The following TOP6BL variants were observed in gnomAD, a reference collection of about 807,000 sequenced individuals.
The protein encoded by TOP6BL is type 2 DNA topoisomerase 6 subunit B-like.
At chr11:66,771,699 CA>C in the TOP6BL span, 1 of 160,868 alleles carries the variant, frequency 6.2e-6, no homozygotes, top group Non-Finnish European at 1.4e-5. Context: ...GAGCTAACCA[CA>C]AAAACAGTGT....
chr11:66,769,025 C>G, the TOP6BL span, among the ~76,000 whole-genome samples: 1 of 152,266 alleles, frequency 6.6e-6, no homozygotes, highest in African/African-American at 2.4e-5. Context: ...CAGCTGGGCA[C>G]TTACTGTTCC....
the TOP6BL span, chr11:66,838,501 G>C: frequency 2.6e-6 from 4 of 1,514,996 alleles, no homozygotes; most frequent in East Asian, 2.3e-5. Flanking sequence ...AGTAAAAAAC[G>C]TGAGTTCAAA....
At chr11:66,751,428 C>T in the TOP6BL span, among the ~76,000 whole-genome samples, 2 of 151,032 alleles carry the variant, frequency 1.3e-5, no homozygotes, top group East Asian at 3.9e-4. Flanking sequence ...CTCTTGACCT[C>T]GTGATCCACC....
chr11:66,843,183 G>A, the TOP6BL span: 1 of 1,611,218 alleles, frequency 6.2e-7, no homozygotes, highest in African/African-American at 1.3e-5. Context: ...TGCTGTGGCT[G>A]CAGGAGGTCT....
At chr11:66,769,563 TACA>T in the TOP6BL span, among the ~76,000 whole-genome samples, 1 of 151,710 alleles carries the variant, frequency 6.6e-6, no homozygotes, top group Non-Finnish European at 1.5e-5. Flanking sequence ...ATAGAACTTA[TACA>T]ACAACAATTA....
the TOP6BL span, chr11:66,804,116 C>T: frequency 1.2e-6 from 2 of 1,613,990 alleles, no homozygotes; most frequent in Non-Finnish European, 8.5e-7. Context: ...AGAACTGATA[C>T]TGACTCCAGC....
At chr11:66,775,395 A>G in the TOP6BL span, among the ~76,000 whole-genome samples, 1 of 152,186 alleles carries the variant, frequency 6.6e-6, no homozygotes, top group African/African-American at 2.4e-5. Context: ...CCATTTTGCC[A>G]GGTGTTATTA....
the TOP6BL span, chr11:66,828,413 A>G: frequency 4.7e-5 from 67 of 1,422,628 alleles, no homozygotes; most frequent in Admixed American, 1.3e-4. Flanking sequence ...ATTTTGATAT[A>G]TGGGAATCCT....
At chr11:66,775,825 T>G in the TOP6BL span, among the ~76,000 whole-genome samples, 1 of 152,224 alleles carries the variant, frequency 6.6e-6, no homozygotes, top group Non-Finnish European at 1.5e-5. Context: ...ATCTTTTATG[T>G]TAACACTTTA....
the TOP6BL span, among the ~76,000 whole-genome samples, chr11:66,830,536 G>C: frequency 6.6e-6 from 1 of 152,006 alleles, no homozygotes; most frequent in Non-Finnish European, 1.5e-5. Flanking sequence ...AAATAATAAA[G>C]ATCAGAATGG....
At chr11:66,821,566 A>G in the TOP6BL span, 2 of 1,490,770 alleles carry the variant, frequency 1.3e-6, no homozygotes, top group South Asian at 2.4e-5. Flanking sequence ...ACATCTGGTA[A>G]TTTAAGACTA....
At chr11:66,767,948 T>C in the TOP6BL span, among the ~76,000 whole-genome samples, 1 of 152,120 alleles carries the variant, frequency 6.6e-6, no homozygotes, top group Non-Finnish European at 1.5e-5. Context: ...TGTACCACCA[T>C]GCCCAGCTAG....
At chr11:66,821,219 T>G in the TOP6BL span, among the ~76,000 whole-genome samples, 1 of 152,160 alleles carries the variant, frequency 6.6e-6, no homozygotes, top group African/African-American at 2.4e-5. Flanking sequence ...TTGTACTCAG[T>G]ATTGGATTTA....
chr11:66,825,221 GTA>G, the TOP6BL span, among the ~76,000 whole-genome samples: 1 of 148,700 alleles, frequency 6.7e-6, no homozygotes, highest in East Asian at 2.1e-4. Flanking sequence ...ATGCCTGTAA[GTA>G]ATGTCAACAC....
chr11:66,798,623 T>C, the TOP6BL span, among the ~76,000 whole-genome samples: 1 of 130,666 alleles, frequency 7.7e-6, no homozygotes, highest in African/African-American at 2.9e-5. Flanking sequence ...AAAAAAAAAG[T>C]TAAGGGATAG....
chr11:66,814,724 T>C, the TOP6BL span, among the ~76,000 whole-genome samples: 3 of 152,176 alleles, frequency 2.0e-5, no homozygotes, highest in African/African-American at 4.8e-5. Context: ...ACCTCTGAAC[T>C]ACTGTGGAAG....
the TOP6BL span, among the ~76,000 whole-genome samples, chr11:66,765,395 A>G: frequency 6.6e-6 from 1 of 152,248 alleles, no homozygotes; most frequent in East Asian, 1.9e-4. Flanking sequence ...TACATAATTA[A>G]AATTGAATCA....
the TOP6BL span, chr11:66,788,078 AC>A: frequency 2.1e-6 from 2 of 952,390 alleles, no homozygotes; most frequent in African/African-American, 3.2e-5. Flanking sequence ...TTCTTGGCTC[AC>A]CAGTTTAATA....
At chr11:66,776,076 T>G in the TOP6BL span, among the ~76,000 whole-genome samples, 1 of 152,064 alleles carries the variant, frequency 6.6e-6, no homozygotes, top group East Asian at 1.9e-4. Context: ...TTTTTTTTTT[T>G]GAGACAGAGT....
Sources: gnomAD v4.1 joint callset for allele counts (sites outside exome capture counted in the v4.1 genomes callset) on GRCh38, gnomAD v4.1.1 for gene constraint, MANE v1.5 for transcripts, NCBI Gene and HGNC (gene_info 2026-07-23, HGNC 2026-07-21) for gene names.